LHPP: variants seen among roughly 807,000 people sequenced by gnomAD.
LHPP encodes phospholysine phosphohistidine inorganic pyrophosphate phosphatase.
LHPP carries 24 observed loss-of-function variants against 30.3 expected under a neutral mutation model. The ratio of observed to expected loss-of-function variants is 0.79; its 90% CI spans 0.57 to 1.11. The LOEUF is 1.11. Ranked by LOEUF, LHPP falls within the 50% of genes most tolerant of loss-of-function variation. The pLI, the probability that LHPP is intolerant of heterozygous loss-of-function variation, is 0.00. For missense variants in LHPP, 356 were observed against 367.2 expected (o/e 0.97, Z 0.25); for synonymous variants, 150 against 157.1 (o/e 0.95, Z 0.34).
chr10:124,463,596 C>T (rs1348516095), intron 1 of LHPP, among the ~76,000 whole-genome samples: 3 of 152,102 alleles, frequency 2.0e-5, no homozygotes, highest in African/African-American at 7.2e-5. Flanking sequence ...CTCCTGACCT[C>T]AACTGATCCA....
At chr10:124,486,170 A>G (rs1426152577) in intron 2 of LHPP, among the ~76,000 whole-genome samples, 1 of 152,158 alleles carries the variant, frequency 6.6e-6, no homozygotes, top group Non-Finnish European at 1.5e-5. Flanking sequence ...GAGTTTTGAC[A>G]TATGCATGCA....
In LHPP at chr10:124,476,590, C is replaced by G. The variant is rs375744521; in HGVS notation, c.126-7549C>G. 7.9e-5 allele frequency among the ~76,000 whole-genome samples: 12 copies of G among 152,338 alleles called. No homozygotes were observed. In the East Asian group the frequency reaches 1.5e-3, roughly 20 times the overall value. On this transcript the variant is annotated intron_variant, in intron 1 of 6. Transcript: ENST00000368842. Reference sequence around the variant, plus strand: ...GACAGATGCCGATCTGTTGCTGCTCCTACCTGCAGGTGGTCCCCCAGCCCA... The same window carrying G: ...GACAGATGCCGATCTGTTGCTGCTCGTACCTGCAGGTGGTCCCCCAGCCCA...
chr10:124,515,851 G>C (rs1954437857), intron 5 of LHPP, among the ~76,000 whole-genome samples: 1 of 152,198 alleles, frequency 6.6e-6, no homozygotes, highest in South Asian at 2.1e-4. Flanking sequence ...CTAGTTATTT[G>C]GTGTGATTCT....
chr10:124,462,870 T>G (rs1040111310), intron 1 of LHPP, among the ~76,000 whole-genome samples: 2 of 152,096 alleles, frequency 1.3e-5, no homozygotes, highest in African/African-American at 4.8e-5. Flanking sequence ...GTTACTTTTT[T>G]TATTTGTTTT....
At chr10:124,522,374 C>T (rs1385927553) in intron 6 of LHPP, among the ~76,000 whole-genome samples, 1 of 152,218 alleles carries the variant, frequency 6.6e-6, no homozygotes, top group African/African-American at 2.4e-5. Flanking sequence ...TCCTGCTGCC[C>T]AGGCCCTGGA....
intron 6 of LHPP, among the ~76,000 whole-genome samples, chr10:124,564,109 G>A (rs1336849395): frequency 6.7e-6 from 1 of 149,222 alleles, no homozygotes. Context: ...GAAGCACCCA[G>A]CTGATTTAAA....
chr10:124,470,841 G>C (rs1377554109), intron 1 of LHPP, among the ~76,000 whole-genome samples: 1 of 129,482 alleles, frequency 7.7e-6, no homozygotes, highest in South Asian at 2.3e-4. Context: ...GAGTTTTCCT[G>C]ATGCAACCTG....
intron 5 of LHPP, among the ~76,000 whole-genome samples, chr10:124,498,970 C>T (rs1953822741): frequency 6.6e-6 from 1 of 151,756 alleles, no homozygotes; most frequent in Non-Finnish European, 1.5e-5. Context: ...CAACCTCCAC[C>T]TCCTGGGTTC....
rs1948873388 is a variant in LHPP at position 124,590,739 on chromosome 10, C to A, written c.717-22525C>A. The stretch of plus-strand genomic sequence containing the variant: ...CCCAGCGCTGCCACCTGCCTGCCTC[C>A]TCTGCCACCGAGGGAAGCCATGTCG... On this transcript the variant is annotated intron_variant, in intron 6 of 6. Coordinates refer to ENST00000368842, the MANE Select transcript of LHPP (RefSeq NM_022126.4). This position sits in a 1 kb window ranked among gnomAD's most constrained non-coding sequence, Gnocchi z 4.3. 6.6e-6 allele frequency among the ~76,000 whole-genome samples: 1 copy of A among 152,228 alleles called. No homozygotes were observed. Among genetic ancestry groups the A allele is most frequent in the Non-Finnish European group, 1.5e-5 (1 of 68,036 alleles).
chr10:124,553,608 G>A (rs1389861389), intron 6 of LHPP, among the ~76,000 whole-genome samples: 6 of 151,956 alleles, frequency 3.9e-5, no homozygotes, highest in African/African-American at 7.3e-5. Context: ...ACAGGTGCCC[G>A]CCACCACGCC....
At chr10:124,553,966 A>G (rs1948238208) in intron 6 of LHPP, 1 of 985,280 alleles carries the variant, frequency 1.0e-6, no homozygotes, top group South Asian at 4.7e-5. Context: ...TTGCGGCACC[A>G]TGCTCTGGGA....
intron 6 of LHPP, among the ~76,000 whole-genome samples, chr10:124,609,360 A>T (rs1949136366): frequency 6.6e-6 from 1 of 152,138 alleles, no homozygotes; most frequent in East Asian, 1.9e-4. Context: ...CTCCCACCTC[A>T]GCCTCCCAAG....
chr10:124,479,402 G>C (rs11593054), intron 1 of LHPP, among the ~76,000 whole-genome samples: 2 of 152,166 alleles, frequency 1.3e-5, no homozygotes, highest in African/African-American at 4.8e-5. Context: ...GGCTTAGTCT[G>C]TGACATCTGG....
chr10:124,550,769 G>C (rs1243017575), intron 6 of LHPP, among the ~76,000 whole-genome samples: 1 of 152,194 alleles, frequency 6.6e-6, no homozygotes, highest in Non-Finnish European at 1.5e-5. Context: ...GCTGGGGGCA[G>C]GGAAGCCAGG....
chr10:124,550,016 A>T (rs1564825129), intron 6 of LHPP, among the ~76,000 whole-genome samples: 1 of 152,240 alleles, frequency 6.6e-6, no homozygotes, highest in Admixed American at 6.5e-5. Flanking sequence ...TGACCTTGGC[A>T]TGCAGGGTGG....
At chr10:124,477,975 G>C (rs1019170345) in intron 1 of LHPP, among the ~76,000 whole-genome samples, 3 of 152,150 alleles carry the variant, frequency 2.0e-5, no homozygotes, top group Admixed American at 2.0e-4. Context: ...TGACTCCTCT[G>C]TTGGTAAACC....
Position 124,496,474 on chromosome 10 carries a change from C to T in LHPP, c.468-487C>T, listed in dbSNP as rs539546969. ...GAAACCTGGCACCTCGCTTGACCTC[C>T]GGCTAACGGGATGCGGCAGGGTGCT... is the stretch of plus-strand genomic sequence containing the variant. On this transcript the variant is annotated intron_variant, in intron 3 of 6. Coordinates refer to ENST00000368842, the MANE Select transcript of LHPP (RefSeq NM_022126.4). This position sits in a 1 kb window ranked among gnomAD's most constrained non-coding sequence, Gnocchi z 4.3. Among the ~76,000 whole-genome samples, 119 of 152,330 alleles carry T rather than the reference C, an allele frequency of 7.8e-4. No individual in the cohort carries two copies. In the Middle Eastern group the frequency reaches 0.017, roughly 22 times the overall value.
chr10:124,548,109 A>G (rs1395091941), intron 6 of LHPP, among the ~76,000 whole-genome samples: 2 of 152,226 alleles, frequency 1.3e-5, no homozygotes, highest in Non-Finnish European at 2.9e-5. Flanking sequence ...TCAAGCCACA[A>G]GATCACCCAG....
intron 5 of LHPP, among the ~76,000 whole-genome samples, chr10:124,515,747 C>T (rs1483493418): frequency 6.6e-6 from 1 of 152,198 alleles, no homozygotes; most frequent in Non-Finnish European, 1.5e-5. Context: ...CTTCTGAGAT[C>T]GCACTCAATG....
Sources: gnomAD v4.1 joint callset for allele counts (sites outside exome capture counted in the v4.1 genomes callset) on GRCh38, gnomAD v4.1.1 for gene constraint, Gnocchi (gnomAD v3.1) non-coding constraint, MANE v1.5 for transcripts, NCBI Gene and HGNC (gene_info 2026-07-23, HGNC 2026-07-21) for gene names.